LPCAT2: variants seen among roughly 807,000 people sequenced by gnomAD.
LPCAT2 encodes the protein 1-AGP acyltransferase 11.
In LPCAT2, 58 loss-of-function variants were observed where a neutral mutation model predicts 64.7. That is an observed-to-expected ratio of 0.90 (90% confidence interval 0.73 to 1.12). The LOEUF (loss-of-function observed/expected upper bound fraction) is 1.12, where lower values mean the gene tolerates loss of function less well. Among genes scored for constraint, LPCAT2 ranks in the 50% most tolerant of loss-of-function variants. The pLI is 0.00. For synonymous variants in LPCAT2, 252 were observed against 245.3 expected (o/e 1.03, Z -0.26); for missense variants, 579 against 669.8 (o/e 0.86, Z 1.50).
intron 11 of LPCAT2, chr16:55,567,507 G>A: frequency 6.2e-7 from 1 of 1,610,300 alleles, no homozygotes; most frequent in Non-Finnish European, 8.5e-7. Context: ...TTCCTGAAGT[G>A]GGAACTGAGA....
intron 11 of LPCAT2, chr16:55,566,962 G>C (rs768647097): frequency 6.2e-7 from 1 of 1,613,850 alleles, no homozygotes; most frequent in Non-Finnish European, 8.5e-7. Context: ...CATTTCACCA[G>C]TGTGGAGGCC....
chr16:55,567,211 A>G (rs879084983), intron 11 of LPCAT2: 3 of 1,613,912 alleles, frequency 1.9e-6, no homozygotes, highest in African/African-American at 1.3e-5. Context: ...AACAACATCA[A>G]GAAATGGCAG....
chr16:55,541,197 C>T (rs1963392087), intron 8 of LPCAT2: 1 of 152,136 alleles, frequency 6.6e-6, no homozygotes, highest in Non-Finnish European at 1.5e-5. Context: ...AGGAAAATTC[C>T]TTTAAAAGCT....
At chr16:55,517,520 C>T (rs1963029838) in intron 1 of LPCAT2, among the ~76,000 whole-genome samples, 1 of 151,888 alleles carries the variant, frequency 6.6e-6, no homozygotes, top group Non-Finnish European at 1.5e-5. Flanking sequence ...GATACCAAAA[C>T]CAAAAAAGGA....
chr16:55,569,009 A>G (rs1963739268), intron 11 of LPCAT2, among the ~76,000 whole-genome samples: 1 of 152,096 alleles, frequency 6.6e-6, no homozygotes. Context: ...TTTTTAATGC[A>G]TTGTCTCTAT....
chr16:55,568,789 A>G (rs1016984733), intron 11 of LPCAT2, among the ~76,000 whole-genome samples: 2 of 152,190 alleles, frequency 1.3e-5, no homozygotes, highest in Admixed American at 1.3e-4. Flanking sequence ...AGAAATACCA[A>G]GAAAATGCCA....
At position 55,532,866 on chromosome 16, in the gene LPCAT2, G is replaced by A; in HGVS notation, c.746G>A (p.Arg249Lys). The change falls in exon 6 of 14, where the codon AGA (arginine) becomes AAA (lysine). Residue 249 changes from arginine (R) to lysine (K), a missense_variant. Coordinates refer to ENST00000262134, the MANE Select transcript of LPCAT2 (RefSeq NM_017839.5). ...GTTCCAGTGCAGCCAGTCCTCCTCA[G>A]ATACCCAAACAAGCTGGTAAGCACA... ...PGVPVQPVLLRYPNKLDTVTW... is the reference protein window; with the variant it reads ...PGVPVQPVLLKYPNKLDTVTW... 1 of 1,612,008 alleles carries A rather than the reference G, an allele frequency of 6.2e-7. No individual in the cohort carries two copies.
At chr16:55,517,054 C>T (rs1275631501) in intron 1 of LPCAT2, among the ~76,000 whole-genome samples, 1 of 151,190 alleles carries the variant, frequency 6.6e-6, no homozygotes, top group Non-Finnish European at 1.5e-5. Context: ...AATAATAAAA[C>T]AATAGAGAAA....
intron 1 of LPCAT2, 73 bp downstream of exon 1, chr16:55,509,425 T>A: frequency 8.8e-7 from 1 of 1,134,428 alleles, no homozygotes; most frequent in Non-Finnish European, 1.1e-6. Context: ...AGGTAAGGGG[T>A]GTGGGTCTGA....
chr16:55,541,951 T>G, intron 8 of LPCAT2: 2 of 1,250,386 alleles, frequency 1.6e-6, no homozygotes, highest in Non-Finnish European at 2.1e-6. Context: ...GAACTAGAAC[T>G]GCACATTTGT....
chr16:55,554,667 C>T (rs1486895067), intron 11 of LPCAT2, among the ~76,000 whole-genome samples: 5 of 152,198 alleles, frequency 3.3e-5, no homozygotes, highest in African/African-American at 1.2e-4. Flanking sequence ...CTTTCCTTTG[C>T]ATTCACAACT....
intron 11 of LPCAT2, chr16:55,566,969 G>A (rs1415727035): frequency 4.3e-6 from 7 of 1,613,736 alleles, no homozygotes; most frequent in Non-Finnish European, 5.9e-6. Context: ...CCAGTGTGGA[G>A]GCCTCAGAAA....
rs552039966 is a variant in LPCAT2 at position 55,527,373 on chromosome 16, G to A, written c.312-1004G>A. Reference sequence around the variant, plus strand: ...TGGGCGCCTGTAATCCCAGCTACTCGAGAGACTGAGGCAGGAGAATCGCTT... The same window carrying A: ...TGGGCGCCTGTAATCCCAGCTACTCAAGAGACTGAGGCAGGAGAATCGCTT... On this transcript the variant is annotated intron_variant, in intron 2 of 13. Coordinates refer to ENST00000262134, the MANE Select transcript of LPCAT2 (RefSeq NM_017839.5). 6.6e-4 allele frequency among the ~76,000 whole-genome samples: 100 copies of A among 151,076 alleles called. 2 individuals carry two copies. In the East Asian group the frequency reaches 0.019, roughly 28 times the overall value.
chr16:55,548,607 C>T (rs1488624828), intron 9 of LPCAT2, among the ~76,000 whole-genome samples: 6 of 152,172 alleles, frequency 3.9e-5, no homozygotes, highest in African/African-American at 1.4e-4. Flanking sequence ...ACTGCAACCT[C>T]TGCCTCCTGG....
At chr16:55,579,639 C>G (rs890450900) in intron 13 of LPCAT2, among the ~76,000 whole-genome samples, 2 of 152,192 alleles carry the variant, frequency 1.3e-5, no homozygotes, top group African/African-American at 4.8e-5. Context: ...TGACTCTACA[C>G]TTTAGTGATC....
chr16:55,534,377 T>A (rs1963296753), intron 6 of LPCAT2, 66 bp from the exon 7 acceptor site: 2 of 940,646 alleles, frequency 2.1e-6, no homozygotes, highest in Non-Finnish European at 3.4e-6. Context: ...CATATTAAAA[T>A]AAGATCTTTA....
At chr16:55,520,242 A>C (rs760689777) in intron 1 of LPCAT2, among the ~76,000 whole-genome samples, 1 of 152,134 alleles carries the variant, frequency 6.6e-6, no homozygotes, top group Non-Finnish European at 1.5e-5. Context: ...ATATGACTGT[A>C]TTAATATCAG....
chr16:55,521,298 C>A (rs1963092112), intron 1 of LPCAT2, among the ~76,000 whole-genome samples: 2 of 151,694 alleles, frequency 1.3e-5, no homozygotes, highest in Non-Finnish European at 3.0e-5. Context: ...ATATGAATAG[C>A]CCTTTATCTA....
intron 3 of LPCAT2, among the ~76,000 whole-genome samples, chr16:55,529,226 G>A (rs373416374): frequency 1.2e-4 from 18 of 152,180 alleles, no homozygotes; most frequent in African/African-American, 3.6e-4. Context: ...TGATGAGAGA[G>A]TGTGAAAGTT....
Sources: gnomAD v4.1 joint callset for allele counts (sites outside exome capture counted in the v4.1 genomes callset) on GRCh38, gnomAD v4.1.1 for gene constraint, MANE v1.5 for transcripts, NCBI Gene and HGNC (gene_info 2026-07-23, HGNC 2026-07-21) for gene names.